Variants in MARCHF1 observed in about 807,000 individuals in gnomAD.
MARCHF1 encodes E3 ubiquitin-protein ligase MARCHF1.
In MARCHF1, 40 loss-of-function variants were observed where a neutral mutation model predicts 54.2. That is an observed-to-expected ratio of 0.74 (90% CI 0.57 to 0.96). MARCHF1 has a LOEUF of 0.96. Among genes scored for constraint, MARCHF1 ranks in the 40% least tolerant of loss-of-function variants. The probability of loss-of-function intolerance (pLI) is 0.00; values close to 1 mark genes in which losing one functional copy is unlikely to be tolerated. For missense variants in MARCHF1, 586 were observed against 656.5 expected, an observed-to-expected ratio of 0.89 and a Z score of 1.17; for synonymous variants, 236 against 236.3, an observed-to-expected ratio of 1.00 and a Z score of 0.01.
intron 2 of MARCHF1, among the ~76,000 whole-genome samples, chr4:164,102,711 G>C (rs926652556): frequency 6.6e-6 from 1 of 151,660 alleles, no homozygotes; most frequent in Non-Finnish European, 1.5e-5. Flanking sequence ...ATCAACTAAT[G>C]AGCAAAATAA....
chr4:163,813,844 A>G (rs1748461027), intron 4 of MARCHF1, among the ~76,000 whole-genome samples: 1 of 152,108 alleles, frequency 6.6e-6, no homozygotes, highest in South Asian at 2.1e-4. Flanking sequence ...CATAACGTAA[A>G]AGAGTCTTGG....
intron 3 of MARCHF1, among the ~76,000 whole-genome samples, chr4:163,959,376 A>C (rs6844288): frequency 0.01 from 1,530 of 152,138 alleles, 28 homozygotes; most frequent in African/African-American, 0.033. Context: ...AACAAACAAA[A>C]AAAAAGCTGG....
chr4:163,869,462 T>A (rs944806104), intron 3 of MARCHF1, among the ~76,000 whole-genome samples: 2 of 152,100 alleles, frequency 1.3e-5, no homozygotes, highest in Non-Finnish European at 1.5e-5. Flanking sequence ...CCTGAGAGAC[T>A]GCAATTCCAG....
chr4:164,087,798 T>C (rs2111125886), intron 2 of MARCHF1, among the ~76,000 whole-genome samples: 1 of 65,290 alleles, frequency 1.5e-5, no homozygotes, highest in Middle Eastern at 6.9e-3. Context: ...ATTGATAGCT[T>C]TTTTCTGTGT....
At chr4:164,012,008 G>A (rs540018793) in intron 2 of MARCHF1, among the ~76,000 whole-genome samples, 1 of 152,278 alleles carries the variant, frequency 6.6e-6, no homozygotes, top group African/African-American at 2.4e-5. Flanking sequence ...TGCTCACGGA[G>A]GGAGCACATC....
At chr4:163,692,226 T>C (rs1744484121) in intron 5 of MARCHF1, among the ~76,000 whole-genome samples, 1 of 152,214 alleles carries the variant, frequency 6.6e-6, no homozygotes, top group African/African-American at 2.4e-5. Flanking sequence ...GTCCCTCTTC[T>C]GGGGCTGAGG....
At chr4:163,969,618 G>A (rs116493087) in intron 3 of MARCHF1, among the ~76,000 whole-genome samples, 4,343 of 152,266 alleles carry the variant, frequency 0.029, 161 homozygotes, top group Admixed American at 0.1. Flanking sequence ...TGTAGCATAT[G>A]TTGTAGTCCA....
intron 2 of MARCHF1, among the ~76,000 whole-genome samples, chr4:164,081,729 CACACACACACAT>C (rs1352680856): frequency 6.6e-6 from 1 of 151,834 alleles, no homozygotes; most frequent in African/African-American, 2.4e-5. Flanking sequence ...CACACATGCA[CACACACACACAT>C]ACACACACAA....
At chr4:163,716,675 C>G (rs907673363) in intron 4 of MARCHF1, among the ~76,000 whole-genome samples, 14 of 152,116 alleles carry the variant, frequency 9.2e-5, no homozygotes, top group African/African-American at 3.1e-4. Context: ...GGGACCAGTG[C>G]CAAAATCACC....
chr4:163,943,598 G>A (rs1751960452), intron 3 of MARCHF1, among the ~76,000 whole-genome samples: 1 of 152,062 alleles, frequency 6.6e-6, no homozygotes, highest in South Asian at 2.1e-4. Flanking sequence ...TAGGGTGGAA[G>A]TTGGGAGGAG....
intron 1 of MARCHF1, among the ~76,000 whole-genome samples, chr4:164,120,977 G>C (rs1303605795): frequency 6.6e-6 from 1 of 151,582 alleles, no homozygotes; most frequent in Non-Finnish European, 1.5e-5. Context: ...AAATAATAAA[G>C]ATCAGAACAG....
At chr4:163,701,838 GT>G (rs34195170) in intron 4 of MARCHF1, among the ~76,000 whole-genome samples, 3 of 149,994 alleles carry the variant, frequency 2.0e-5, no homozygotes, top group African/African-American at 2.4e-5. Flanking sequence ...AATTCCTTTT[GT>G]TTTTTTTTTA....
chr4:164,356,827 G>C (rs925365732), intron 1 of MARCHF1, among the ~76,000 whole-genome samples: 14 of 140,280 alleles, frequency 1.0e-4, no homozygotes, highest in Admixed American at 8.9e-4. Flanking sequence ...CATTGTATTA[G>C]TTCTCTATTA....
chr4:164,213,108 A>T (rs1731823397), intron 1 of MARCHF1, among the ~76,000 whole-genome samples: 1 of 151,852 alleles, frequency 6.6e-6, no homozygotes, highest in South Asian at 2.1e-4. Context: ...TCATATATGT[A>T]TTTCTATTTC....
At chr4:163,544,249 ACT>A (rs1190346162) in intron 9 of MARCHF1, among the ~76,000 whole-genome samples, 2 of 152,058 alleles carry the variant, frequency 1.3e-5, no homozygotes, top group Admixed American at 6.6e-5. Context: ...TAAAATCAAG[ACT>A]CTCTGAAACA....
At chr4:164,211,327 G>GTATATA (rs1382533907) in intron 1 of MARCHF1, among the ~76,000 whole-genome samples, 1 of 53,514 alleles carries the variant, frequency 1.9e-5, no homozygotes, top group African/African-American at 6.6e-5. Context: ...GTGTATGTAT[G>GTATATA]TATGTATATA....
intron 1 of MARCHF1, among the ~76,000 whole-genome samples, chr4:164,356,524 C>G (rs1483353204): frequency 7.9e-6 from 1 of 126,538 alleles, no homozygotes; most frequent in East Asian, 2.2e-4. Context: ...GAACAAAAAA[C>G]CAAACACCGC....
chr4:164,054,699 A>T (rs1271210001), intron 2 of MARCHF1, among the ~76,000 whole-genome samples: 1 of 145,094 alleles, frequency 6.9e-6, no homozygotes, highest in African/African-American at 2.6e-5. Context: ...AACACCGCAT[A>T]TTCTCACTCA....
At chr4:163,752,823 A>G (rs996815344) in intron 4 of MARCHF1, among the ~76,000 whole-genome samples, 1 of 152,210 alleles carries the variant, frequency 6.6e-6, no homozygotes, top group Non-Finnish European at 1.5e-5. Flanking sequence ...TATTCCCACT[A>G]TGTTGTTGAA....
Sources: gnomAD v4.1 joint callset for allele counts (sites outside exome capture counted in the v4.1 genomes callset) on GRCh38, gnomAD v4.1.1 for gene constraint, MANE v1.5 for transcripts, NCBI Gene and HGNC (gene_info 2026-07-23, HGNC 2026-07-21) for gene names.